The following TDRD12 variants were observed in gnomAD, a reference collection of about 807,000 sequenced individuals.
TDRD12 encodes putative ATP-dependent RNA helicase TDRD12.
In TDRD12, 158 loss-of-function variants were observed where a neutral mutation model predicts 133.5. That is an observed-to-expected ratio of 1.18 (90% confidence interval 1.04 to 1.35). TDRD12 has a LOEUF of 1.35. TDRD12 is among the 40% of genes most tolerant of loss of function. The pLI is 0.00. For synonymous variants in TDRD12, 460 were observed against 477.9 expected (o/e 0.96, Z 0.49); for missense variants, 1,443 against 1,321.3 (o/e 1.09, Z -1.43).
intron 21 of TDRD12, 83 bp downstream of exon 21, chr19:32,803,225 T>C (rs954553705): frequency 3.6e-6 from 4 of 1,108,000 alleles, no homozygotes; most frequent in South Asian, 1.7e-5. Flanking sequence ...TGAATTGTCA[T>C]GTATCTAGAA....
chr19:32,743,979 A>T (rs931309208), intron 4 of TDRD12, among the ~76,000 whole-genome samples: 1 of 150,714 alleles, frequency 6.6e-6, no homozygotes, highest in African/African-American at 2.4e-5. Flanking sequence ...AGTGAGCCGA[A>T]ATCGCACCAC....
chr19:32,746,180 GAC>G, intron 4 of TDRD12, among the ~76,000 whole-genome samples: 1 of 151,052 alleles, frequency 6.6e-6, no homozygotes, highest in Non-Finnish European at 1.5e-5. Context: ...GTGTGAGAGA[GAC>G]GGGGAGACTG....
At chr19:32,786,185 A>T (rs1045358812) in intron 11 of TDRD12, among the ~76,000 whole-genome samples, 1 of 152,172 alleles carries the variant, frequency 6.6e-6, no homozygotes, top group Admixed American at 6.5e-5. Flanking sequence ...TTCTTTACTT[A>T]TGAAGCTTAA....
chr19:32,720,011 C>T, exon 1 of TDRD12: 1 of 1,539,292 alleles, frequency 6.5e-7, no homozygotes, highest in South Asian at 1.2e-5. Flanking sequence ...CAGCCAGCCT[C>T]ACCCGCGACG....
chr19:32,726,550 A>G (rs1342524048), intron 1 of TDRD12, among the ~76,000 whole-genome samples: 1 of 152,128 alleles, frequency 6.6e-6, no homozygotes, highest in African/African-American at 2.4e-5. Flanking sequence ...ACTCAGTATA[A>G]TGTCCTCAGG....
intron 11 of TDRD12, among the ~76,000 whole-genome samples, chr19:32,789,781 A>G (rs1971015189): frequency 6.6e-6 from 1 of 152,146 alleles, no homozygotes; most frequent in South Asian, 2.1e-4. Flanking sequence ...CAGGCGGTTC[A>G]CCTGAGGTCA....
chr19:32,818,600 GC>G lies in TDRD12; in HGVS notation c.3383+444del, dbSNP rs111927287. Among the ~76,000 whole-genome samples the G allele has an allele frequency of 1.8e-4, 27 of 152,354 alleles. 1 individual carries two copies. The highest frequency in any genetic ancestry group is 6.5e-4 in the African/African-American group (27 of 41,580). On this transcript the variant is annotated intron_variant, in intron 27 of 27. Transcript: ENST00000444215. ...TGGTTTATCAGTGTGTTCTGCTAGA[GC>G]TGACGGGGCTCCAGGCAGCCTGCAT...
intron 8 of TDRD12, 113 bp downstream of exon 8, chr19:32,757,243 T>A: frequency 1.2e-6 from 1 of 833,318 alleles, no homozygotes; most frequent in Non-Finnish European, 1.9e-6. Context: ...TCTCTTTTCT[T>A]AATTTAATGT....
intron 11 of TDRD12, among the ~76,000 whole-genome samples, chr19:32,786,145 C>T (rs1312986953): frequency 6.6e-6 from 1 of 152,158 alleles, no homozygotes; most frequent in Non-Finnish European, 1.5e-5. Context: ...AATCTCTCAG[C>T]ATTTGTTTGT....
At chr19:32,793,640 A>G (rs1971133964) in intron 13 of TDRD12, among the ~76,000 whole-genome samples, 3 of 152,154 alleles carry the variant, frequency 2.0e-5, no homozygotes, top group Non-Finnish European at 2.9e-5. Flanking sequence ...ATAAAAGTCT[A>G]TCTTTTAAAA....
intron 8 of TDRD12, among the ~76,000 whole-genome samples, chr19:32,763,912 T>C (rs889885292): frequency 6.6e-6 from 1 of 152,154 alleles, no homozygotes; most frequent in Non-Finnish European, 1.5e-5. Context: ...TGACCTCACT[T>C]TGATGGACCT....
intron 6 of TDRD12, among the ~76,000 whole-genome samples, chr19:32,750,425 A>G (rs531656331): frequency 6.6e-6 from 1 of 152,290 alleles, no homozygotes; most frequent in Non-Finnish European, 1.5e-5. Context: ...TACCTTAACC[A>G]TGGATTTTTT....
chr19:32,827,368 TTTTC>T (rs1568504068), exon 10 of TDRD12: 3 of 358,946 alleles, frequency 8.4e-6, no homozygotes, highest in Middle Eastern at 9.9e-4. Flanking sequence ...TTTTCTTTTC[TTTTC>T]TTTTTTTTTT....
At chr19:32,737,906 G>A (rs1462450703) in intron 2 of TDRD12, among the ~76,000 whole-genome samples, 1 of 152,204 alleles carries the variant, frequency 6.6e-6, no homozygotes, top group Non-Finnish European at 1.5e-5. Context: ...GCCGAGGCGG[G>A]TGGATCACCT....
At chr19:32,795,977 T>A (rs1568483204) in intron 14 of TDRD12, among the ~76,000 whole-genome samples, 2 of 152,134 alleles carry the variant, frequency 1.3e-5, no homozygotes, top group East Asian at 3.9e-4. Flanking sequence ...AGCCCCCACC[T>A]CCAACACTGG....
intron 6 of TDRD12, among the ~76,000 whole-genome samples, chr19:32,755,245 ATT>A (rs1312744682): frequency 6.6e-6 from 1 of 152,118 alleles, no homozygotes; most frequent in Admixed American, 6.6e-5. Context: ...CTGTGCTTTC[ATT>A]TCTCTCGAGC....
At chr19:32,757,713 C>T (rs2145553201) in intron 8 of TDRD12, among the ~76,000 whole-genome samples, 1 of 152,228 alleles carries the variant, frequency 6.6e-6, no homozygotes, top group Middle Eastern at 3.4e-3. Context: ...TATAACGAAA[C>T]AACCTTGAGC....
chr19:32,827,341 C>A, exon 10 of TDRD12: 15 of 518,022 alleles, frequency 2.9e-5, no homozygotes, highest in Non-Finnish European at 3.6e-5. Context: ...AGAAAACAGT[C>A]AGTCATAACC....
At chr19:32,778,174 G>A (rs2145620379) in intron 11 of TDRD12, among the ~76,000 whole-genome samples, 1 of 152,058 alleles carries the variant, frequency 6.6e-6, no homozygotes, top group African/African-American at 2.4e-5. Context: ...GCCAGGGTGT[G>A]GACTCTGCAG....
Sources: allele counts gnomAD v4.1 joint callset (sites outside exome capture counted in the v4.1 genomes callset), GRCh38; gene constraint gnomAD v4.1.1; transcripts MANE v1.5; gene names NCBI Gene and HGNC (gene_info 2026-07-23, HGNC 2026-07-21).